NAP1L1: variants seen among roughly 807,000 people sequenced by gnomAD.
NAP1L1 encodes nucleosome assembly protein 1-like 1.
NAP1L1 carries 9 observed loss-of-function variants against 58.9 expected under a neutral mutation model. The observed-to-expected ratio is 0.15, with a 90% CI of 0.09 to 0.27. NAP1L1 has a LOEUF of 0.27. NAP1L1 is among the 10% of genes least tolerant of loss of function. The pLI, the probability that NAP1L1 is intolerant of heterozygous loss-of-function variation, is 1.00. For missense variants in NAP1L1, 302 were observed against 458.8 expected, an observed-to-expected ratio of 0.66 and a Z score of 3.12; for synonymous variants, 130 against 138.3, an observed-to-expected ratio of 0.94 and a Z score of 0.42.
intron 1 of NAP1L1, among the ~76,000 whole-genome samples, chr12:76,083,353 T>G: frequency 6.6e-6 from 1 of 152,086 alleles, no homozygotes. Context: ...GGCCAAACAT[T>G]TTATTTTCAT....
chr12:76,076,240 C>A (rs1592698667), intron 1 of NAP1L1, among the ~76,000 whole-genome samples: 1 of 152,136 alleles, frequency 6.6e-6, no homozygotes, highest in South Asian at 2.1e-4. Flanking sequence ...TGGTTGTACA[C>A]ACACTCCTAT....
At chr12:76,056,408 ATGT>A in intron 6 of NAP1L1, 1 of 404,556 alleles carries the variant, frequency 2.5e-6, no homozygotes, top group Non-Finnish European at 4.5e-6. Flanking sequence ...TAAAAAAAAA[ATGT>A]AAAAACTAAT....
rs1302986988 is a variant in NAP1L1 at position 76,036,940 on chromosome 12, C to T, written c.*11489G>A. On this transcript the variant is annotated 3_prime_UTR_variant, in exon 15 of 15. Transcript: ENST00000618691. ...ATACAAAAAAAAAAAAAACCCACAG[C>T]GCCTGTAATCCCAGCTACTCGGGAG... The T allele has an allele frequency of 1.3e-5, 2 of 150,700 alleles. No individual in the cohort carries two copies. The highest frequency in any genetic ancestry group is 2.4e-5 in the African/African-American group (1 of 41,000). 9.3% of individuals were successfully genotyped at this position (150,700 alleles called of 1,614,324 possible).
At chr12:76,073,793 T>C (rs1038592733) in intron 2 of NAP1L1, 4 of 156,858 alleles carry the variant, frequency 2.6e-5, no homozygotes, top group African/African-American at 9.6e-5. Context: ...GATAGTAATG[T>C]TCTATTTTTA....
At chr12:76,073,047 G>A (rs1950029358) in intron 2 of NAP1L1, among the ~76,000 whole-genome samples, 1 of 151,916 alleles carries the variant, frequency 6.6e-6, no homozygotes, top group Non-Finnish European at 1.5e-5. Context: ...CCAAATTAGA[G>A]GTGTGACACA....
At chr12:76,083,170 G>A (rs950415648) in intron 1 of NAP1L1, among the ~76,000 whole-genome samples, 4 of 152,116 alleles carry the variant, frequency 2.6e-5, no homozygotes, top group Non-Finnish European at 5.9e-5. Context: ...AGATCTTTAG[G>A]GCAGTAGGGT....
rs1424019995 is a variant in NAP1L1, at chr12:76,047,976, A to G, written c.*453T>C. ...TGCCAATTTTTTTTTTAAACAATAA[A>G]TTGTCTTAGTATAAGTCACTGCATT... On this transcript the variant is annotated 3_prime_UTR_variant, in exon 15 of 15. Transcript: ENST00000618691. 1 of 155,632 alleles carries G rather than the reference A, an allele frequency of 6.4e-6. No individual in the cohort carries two copies. Among genetic ancestry groups the G allele is most frequent in the African/African-American group, 2.4e-5 (1 of 41,530 alleles). The allele number at this position is 155,632 out of a possible 1,614,324, so 9.6% of individuals were successfully genotyped here.
At chr12:76,060,652 A>C (rs1003536497) in intron 4 of NAP1L1, among the ~76,000 whole-genome samples, 8 of 152,168 alleles carry the variant, frequency 5.3e-5, no homozygotes, top group African/African-American at 1.9e-4. Context: ...TATTAGGAAA[A>C]AGGAGGGGAG....
rs1466423124 is a variant in NAP1L1 at position 76,044,854 on chromosome 12, A to C, written c.*3575T>G. The stretch of plus-strand genomic sequence containing the variant: ...CCAACAAGGATGTTTCCATTTCTGT[A>C]AAGTCATGTAAGTGATCCTCAATCA... On this transcript the variant is annotated 3_prime_UTR_variant, in exon 15 of 15. Coordinates refer to ENST00000618691, the MANE Select transcript of NAP1L1 (RefSeq NM_004537.7). 2 of 152,214 alleles carry C rather than the reference A, an allele frequency of 1.3e-5. No individual in the cohort carries two copies. Among genetic ancestry groups the C allele is most frequent in the African/African-American group, 4.8e-5 (2 of 41,458 alleles). The allele number at this position is 152,214 out of a possible 1,614,324, so 9.4% of individuals were successfully genotyped here.
chr12:76,058,192 T>TCC (rs201458036), intron 6 of NAP1L1: 1 of 184,998 alleles, frequency 5.4e-6, no homozygotes, highest in African/African-American at 8.4e-5. Context: ...GAGAGAGGCC[T>TCC]ACATATATAT....
Position 76,060,271 on chromosome 12 carries a change from C to G in NAP1L1, c.215G>C (p.Arg72Thr), listed in dbSNP as rs757764434. The part of the protein sequence containing the change: ...TPTGYIESLP[R>T]VVKRRVNALK... Reference sequence around the variant, plus strand: ...AGCATTCACTCGTCTTTTAACTACCCTAGGCAGGCTGAAAGGTTAGAAATC... The same window carrying G: ...AGCATTCACTCGTCTTTTAACTACCGTAGGCAGGCTGAAAGGTTAGAAATC... Residue 72 changes from arginine (R) to threonine (T), a missense_variant, in exon 5 of 15, where the codon AGG becomes ACG. Coordinates refer to ENST00000618691, the MANE Select transcript of NAP1L1 (RefSeq NM_004537.7). 1.2e-5 allele frequency: 20 copies of G among 1,613,478 alleles called. 1 individual carries two copies. The South Asian group carries it at 2.1e-4, about 17-fold the overall frequency.
Position 76,084,551 on chromosome 12 carries a change from G to A in NAP1L1, c.-21+16C>T, listed in dbSNP as rs1172709665. ...ACACCACGTTCCCCCTTCCCTTCCA[G>A]GCCCCCATCCGTTACCGGCGACTAG... On this transcript the variant is annotated intron_variant, in intron 1 of 14. Coordinates refer to ENST00000618691, the MANE Select transcript of NAP1L1 (RefSeq NM_004537.7). 6.6e-6 allele frequency: 1 copy of A among 152,480 alleles called. No homozygotes were observed. The highest frequency in any genetic ancestry group is 6.5e-5 in the Admixed American group (1 of 15,272). 9.4% of individuals were successfully genotyped at this position (152,480 alleles called of 1,614,324 possible).
rs1387426539 is a variant in NAP1L1 at position 76,044,593 on chromosome 12, T to C, written c.*3836A>G. On this transcript the variant is annotated 3_prime_UTR_variant, in exon 15 of 15. Transcript: ENST00000618691. ...AGTCAAAAATATCATAAGTAGAAGA[T>C]GTGTTTAATACTCCAATAAACTCAT... The C allele has an allele frequency of 6.6e-6, 1 of 152,218 alleles. No homozygotes were observed. The highest frequency in any genetic ancestry group is 1.5e-5 in the Non-Finnish European group (1 of 68,046). The allele number at this position is 152,218 out of a possible 1,614,324, so 9.4% of individuals were successfully genotyped here. A position where few individuals can be genotyped will look rare whatever the true frequency, so the allele number is the denominator to read the frequency against.
chr12:76,061,528 G>C (rs1423580897), intron 4 of NAP1L1, among the ~76,000 whole-genome samples: 2 of 152,178 alleles, frequency 1.3e-5, no homozygotes, highest in Non-Finnish European at 2.9e-5. Flanking sequence ...TCACTGATGG[G>C]CATTTAGGTT....
At chr12:76,080,271 A>T (rs1255751116) in intron 1 of NAP1L1, among the ~76,000 whole-genome samples, 1 of 152,210 alleles carries the variant, frequency 6.6e-6, no homozygotes, top group Non-Finnish European at 1.5e-5. Flanking sequence ...CCTACTGCAG[A>T]GTCATATAAA....
intron 1 of NAP1L1, chr12:76,074,497 A>T (rs917051440): frequency 1.8e-5 from 5 of 271,756 alleles, no homozygotes; most frequent in Non-Finnish European, 2.8e-5. Flanking sequence ...CTGTTGTATA[A>T]AGACTATGAT....
Position 76,058,191 on chromosome 12 carries a change from C to CTTCATATATA in NAP1L1, c.429+1606_429+1607insTATATATGAA, listed in dbSNP as rs1243475241. 3.6e-3 allele frequency: 1,150 copies of CTTCATATATA among 315,398 alleles called. 69 individuals carry two copies. In the African/African-American group the frequency reaches 0.047, roughly 13 times the overall value. The allele number at this position is 315,398 out of a possible 1,614,324, so 19.5% of individuals were successfully genotyped here. On this transcript the variant is annotated intron_variant, in intron 6 of 14. Transcript: ENST00000618691. ...TAGATATGGCCAAAGGGAGAGAGGC[C>CTTCATATATA]TACATATATATATATATATATATAT... is the stretch of plus-strand genomic sequence containing the variant.
At chr12:76,058,720 C>T (rs1474101548) in intron 6 of NAP1L1, among the ~76,000 whole-genome samples, 8 of 152,030 alleles carry the variant, frequency 5.3e-5, no homozygotes, top group Non-Finnish European at 2.9e-5. Flanking sequence ...TTGAAAAACC[C>T]GGTAGACTTT....
At position 76,048,290 on chromosome 12, in the gene NAP1L1, A is replaced by T; in HGVS notation, c.*139T>A. On this transcript the variant is annotated 3_prime_UTR_variant, in exon 15 of 15. Coordinates refer to ENST00000618691, the MANE Select transcript of NAP1L1 (RefSeq NM_004537.7). ...TGCTAGGTAGAACAAATTGGTCTTT[A>T]AAATATCAGTTTCCTGTCCTTTAAA... 1.1e-6 allele frequency: 1 copy of T among 897,920 alleles called. No individual in the cohort carries two copies. The highest frequency in any genetic ancestry group is 1.7e-6 in the Non-Finnish European group (1 of 591,396). 55.6% of individuals were successfully genotyped at this position (897,920 alleles called of 1,614,324 possible). A position where few individuals can be genotyped will look rare whatever the true frequency, so the allele number is the denominator to read the frequency against.
Sources: gnomAD v4.1 joint callset for allele counts (sites outside exome capture counted in the v4.1 genomes callset) on GRCh38, gnomAD v4.1.1 for gene constraint, MANE v1.5 for transcripts, NCBI Gene and HGNC (gene_info 2026-07-23, HGNC 2026-07-21) for gene names.